Variants in CELF2 observed in about 807,000 individuals in gnomAD.
CELF2 encodes the protein CUG triplet repeat RNA-binding protein 2.
Under a neutral mutation model 62.6 loss-of-function variants are expected in CELF2, and 8 were observed. That is an observed-to-expected ratio of 0.13 (90% confidence interval 0.07 to 0.23). CELF2 has a LOEUF of 0.23. Among genes scored for constraint, CELF2 ranks in the 10% least tolerant of loss-of-function variants. CELF2 has a pLI of 1.00. For missense variants in CELF2, 333 were observed against 671.0 expected, an observed-to-expected ratio of 0.50 and a Z score of 5.56; for synonymous variants, 258 against 250.0, an observed-to-expected ratio of 1.03 and a Z score of -0.30.
In CELF2 at chr10:10,815,691, AT is replaced by A. The variant is rs1185815733; in HGVS notation, c.53+16883del. 6.6e-5 allele frequency among the ~76,000 whole-genome samples: 10 copies of A among 151,528 alleles called. No homozygotes were observed. In the South Asian group the frequency reaches 1.0e-3, roughly 16 times the overall value. ...ATATTAAGCTTTAATTCTCTAGTTA[AT>A]TTTTTTTTGGTAGCCATGAAATTAG... On this transcript the variant is annotated intron_variant, in intron 1 of 13. Transcript: ENST00000636488.
Position 10,928,224 on chromosome 10 carries a change from C to T in CELF2, c.89+8225C>T, listed in dbSNP as rs75379554. Among the ~76,000 whole-genome samples, 188 of 152,272 alleles carry T rather than the reference C, an allele frequency of 1.2e-3. 5 individuals carry two copies. The East Asian group carries it at 0.031, about 25-fold the overall frequency. On this transcript the variant is annotated intron_variant, in intron 2 of 13. Transcript: ENST00000636488. This position sits in a 1 kb window ranked among gnomAD's most constrained non-coding sequence, Gnocchi z 4.8. ...CAGAACAATGTCTCCCTTGCCTGTC[C>T]GGTTTATTCCTCCATTTGTAGGACC...
At chr10:11,161,024 A>G (rs1359567800) in intron 1 of CELF2, among the ~76,000 whole-genome samples, 1 of 152,248 alleles carries the variant, frequency 6.6e-6, no homozygotes, top group Non-Finnish European at 1.5e-5. Flanking sequence ...TAAAAATAAT[A>G]TGTTGAATCA....
chr10:10,925,275 G>A (rs1195696213), intron 2 of CELF2: 1 of 152,134 alleles, frequency 6.6e-6, no homozygotes, highest in Non-Finnish European at 1.5e-5. Flanking sequence ...GACACTTCCT[G>A]TCTTCTTTAT....
At chr10:10,600,679 G>A in the CELF2 span, among the ~76,000 whole-genome samples, 2 of 152,206 alleles carry the variant, frequency 1.3e-5, no homozygotes, top group Non-Finnish European at 2.9e-5. Flanking sequence ...AGGGAGTGGG[G>A]AGGACAAAAG....
At chr10:10,792,051 A>AAGGAAGGAGGGAGAGAGGGAGGG in the CELF2 span, among the ~76,000 whole-genome samples, 2,550 of 135,100 alleles carry the variant, frequency 0.019, 109 homozygotes, top group African/African-American at 0.065. Flanking sequence ...GAGAGGGAGG[A>AAGGAAGGAGGGAGAGAGGGAGGG]AGGAAGGAAG....
chr10:10,731,497 G>T, the CELF2 span, among the ~76,000 whole-genome samples: 1 of 152,146 alleles, frequency 6.6e-6, no homozygotes, highest in Admixed American at 6.6e-5. Flanking sequence ...TAAATGAAAT[G>T]ACATTCCCTT....
chr10:10,817,004 T>G (rs2056520161), intron 1 of CELF2, among the ~76,000 whole-genome samples: 1 of 152,202 alleles, frequency 6.6e-6, no homozygotes, highest in African/African-American at 2.4e-5. Context: ...GTGTCAGCAA[T>G]TCCAACAACT....
At chr10:10,708,889 A>G in the CELF2 span, among the ~76,000 whole-genome samples, 3 of 152,168 alleles carry the variant, frequency 2.0e-5, no homozygotes, top group Non-Finnish European at 4.4e-5. Context: ...CGCACACCGT[A>G]TAGGAACATG....
intron 6 of CELF2, among the ~76,000 whole-genome samples, chr10:11,266,942 C>T (rs1246650865): frequency 3.3e-5 from 5 of 152,250 alleles, no homozygotes; most frequent in African/African-American, 9.6e-5. Flanking sequence ...TGCAGTGGCA[C>T]GGGTCCTGTG....
chr10:11,034,224 T>G (rs1238733221), intron 1 of CELF2, among the ~76,000 whole-genome samples: 2 of 152,222 alleles, frequency 1.3e-5, no homozygotes, highest in African/African-American at 4.8e-5. Context: ...TGTGTTGTTT[T>G]GGGGCTATGT....
At chr10:10,781,825 C>T in the CELF2 span, among the ~76,000 whole-genome samples, 1 of 152,336 alleles carries the variant, frequency 6.6e-6, no homozygotes, top group South Asian at 2.1e-4. Flanking sequence ...TTAAGTGGCA[C>T]ATGCCTGTAT....
chr10:10,523,464 T>A, the CELF2 span, among the ~76,000 whole-genome samples: 7 of 152,170 alleles, frequency 4.6e-5, no homozygotes, highest in Admixed American at 3.3e-4. Flanking sequence ...TGGAAGTATC[T>A]TACTATAGTG....
chr10:11,231,164 T>C (rs1222294114), intron 3 of CELF2, among the ~76,000 whole-genome samples: 2 of 152,224 alleles, frequency 1.3e-5, no homozygotes, highest in Admixed American at 6.5e-5. Context: ...AGTTCTGAGT[T>C]CTTGTTTTTC....
At chr10:11,258,174 A>G (rs1005474012) in intron 5 of CELF2, among the ~76,000 whole-genome samples, 1 of 152,100 alleles carries the variant, frequency 6.6e-6, no homozygotes, top group African/African-American at 2.4e-5. Flanking sequence ...TGGTGGGGGG[A>G]GGTGCAAGAA....
At chr10:10,867,719 C>G (rs931623243) in intron 1 of CELF2, among the ~76,000 whole-genome samples, 8 of 152,220 alleles carry the variant, frequency 5.3e-5, no homozygotes, top group Non-Finnish European at 1.2e-4. Context: ...ACCTGCAATC[C>G]AAGATCAATC....
At chr10:10,671,235 A>C in the CELF2 span, among the ~76,000 whole-genome samples, 221 of 151,806 alleles carry the variant, frequency 1.5e-3, no homozygotes, top group African/African-American at 5.1e-3. Flanking sequence ...TAGGCACCTA[A>C]ATTTTCTCCA....
the CELF2 span, among the ~76,000 whole-genome samples, chr10:10,685,648 T>C: frequency 6.6e-6 from 1 of 152,194 alleles, no homozygotes; most frequent in African/African-American, 2.4e-5. Context: ...ATTCAGGAGA[T>C]GTTCTTTTGA....
chr10:11,148,535 A>G (rs771215502), intron 1 of CELF2, among the ~76,000 whole-genome samples: 5 of 152,186 alleles, frequency 3.3e-5, no homozygotes, highest in Non-Finnish European at 7.4e-5. Context: ...GCAGTTTGAC[A>G]CTCTCACTGT....
At chr10:10,959,298 T>A (rs999901983) in intron 2 of CELF2, among the ~76,000 whole-genome samples, 2 of 152,028 alleles carry the variant, frequency 1.3e-5, no homozygotes, top group Non-Finnish European at 2.9e-5. Flanking sequence ...AATAAAAAAG[T>A]CTTGGATCCA....
Sources: gnomAD v4.1 joint callset for allele counts (sites outside exome capture counted in the v4.1 genomes callset) on GRCh38, gnomAD v4.1.1 for gene constraint, Gnocchi (gnomAD v3.1) non-coding constraint, MANE v1.5 for transcripts, NCBI Gene and HGNC (gene_info 2026-07-23, HGNC 2026-07-21) for gene names.